CNOT4: variants seen among roughly 807,000 people sequenced by gnomAD.
CNOT4 encodes CCR4-NOT transcription complex subunit 4.
CNOT4 carries 8 observed loss-of-function variants against 73.8 expected under a neutral mutation model. The observed-to-expected ratio is 0.11, with a 90% CI of 0.06 to 0.20. The LOEUF (loss-of-function observed/expected upper bound fraction) is 0.20, where lower values mean the gene tolerates loss of function less well. Among genes scored for constraint, CNOT4 ranks in the 10% least tolerant of loss-of-function variants. CNOT4 has a pLI of 1.00. For synonymous variants in CNOT4, 293 were observed against 321.1 expected (o/e 0.91, Z 0.94); for missense variants, 564 against 883.4 (o/e 0.64, Z 4.58).
intron 1 of CNOT4, among the ~76,000 whole-genome samples, chr7:135,450,898 A>C (rs1489295758): frequency 1.3e-5 from 2 of 152,134 alleles, no homozygotes; most frequent in African/African-American, 4.8e-5. Flanking sequence ...CAGAGGTTGC[A>C]GTGAGCCGAG....
rs1457284989 is a variant in CNOT4 at position 135,434,273 on chromosome 7, G to A, written c.174+3885C>T. On this transcript the variant is annotated intron_variant, in intron 2 of 11. Transcript: ENST00000541284. ...AGAGACCAAAGACTTGCTTGACTCC[G>A]ACCGACACAGGCAACTTCACAAATA... is the stretch of plus-strand genomic sequence containing the variant. 3.9e-5 allele frequency among the ~76,000 whole-genome samples: 6 copies of A among 152,142 alleles called. No homozygotes were observed. The East Asian group carries it at 9.6e-4, about 24-fold the overall frequency.
At chr7:135,479,198 A>AT (rs61487024) in intron 1 of CNOT4, among the ~76,000 whole-genome samples, 4,684 of 89,878 alleles carry the variant, frequency 0.052, 782 homozygotes, top group Non-Finnish European at 0.065. Flanking sequence ...TTAGAACCAA[A>AT]TTTTTTTTTT....
chr7:135,389,525 C>T (rs112901186), intron 10 of CNOT4, among the ~76,000 whole-genome samples: 1 of 142,056 alleles, frequency 7.0e-6, no homozygotes, highest in Non-Finnish European at 1.5e-5. Flanking sequence ...TGAATGAGAT[C>T]GGTTCTCCTG....
intron 1 of CNOT4, among the ~76,000 whole-genome samples, chr7:135,480,708 A>C (rs1367144924): frequency 6.6e-6 from 1 of 152,200 alleles, no homozygotes; most frequent in Non-Finnish European, 1.5e-5. Context: ...AGGAATACAA[A>C]TGTTCCTTCC....
chr7:135,422,591 C>T (rs919772252), intron 2 of CNOT4, among the ~76,000 whole-genome samples: 2 of 152,056 alleles, frequency 1.3e-5, no homozygotes, highest in East Asian at 1.9e-4. Flanking sequence ...AAAACATCTA[C>T]GGTTTAAAGG....
Position 135,415,408 on chromosome 7 carries a change from C to T in CNOT4, c.373-146G>A, listed in dbSNP as rs1313681189. ...AATAAATGTCACTACCTCCTAATTG[C>T]AGTTTGTGTAGCTAACCTATAGGAA... On this transcript the variant is annotated intron_variant, in intron 3 of 11. Transcript: ENST00000541284. The T allele has an allele frequency of 7.2e-6, 4 of 556,294 alleles. No individual in the cohort carries two copies. In the East Asian group the frequency reaches 9.2e-5, roughly 13 times the overall value. The allele number at this position is 556,294 out of a possible 1,614,324, so 34.5% of individuals were successfully genotyped here.
chr7:135,443,078 C>T (rs1365422733), intron 1 of CNOT4, among the ~76,000 whole-genome samples: 2 of 151,446 alleles, frequency 1.3e-5, no homozygotes, highest in African/African-American at 2.4e-5. Flanking sequence ...TCTGCAGGCA[C>T]GCTGGCTCAC....
In CNOT4 at chr7:135,395,563, G is replaced by C. The variant is rs185233739; in HGVS notation, c.1129+71C>G. 2.7e-5 allele frequency: 40 copies of C among 1,464,178 alleles called. No individual in the cohort carries two copies. The East Asian group carries it at 8.7e-4, about 32-fold the overall frequency. 90.7% of individuals were successfully genotyped at this position (1,464,178 alleles called of 1,614,324 possible). A position where few individuals can be genotyped will look rare whatever the true frequency, so the allele number is the denominator to read the frequency against. ...AAAAGATAAAAATATATCCACTAAT[G>C]AGTTTCATGTTAGTCTGTCAACAAT... On this transcript the variant is annotated intron_variant, in intron 9 of 11. Coordinates refer to ENST00000541284, the MANE Select transcript of CNOT4 (RefSeq NM_001190850.2).
In CNOT4 at chr7:135,362,048, A is replaced by G. The variant is rs968902392; in HGVS notation, c.*837T>C. 1 of 152,764 alleles carries G rather than the reference A, an allele frequency of 6.5e-6. No homozygotes were observed. The highest frequency in any genetic ancestry group is 6.5e-5 in the Admixed American group (1 of 15,288). The allele number at this position is 152,764 out of a possible 1,614,324, so 9.5% of individuals were successfully genotyped here. A position where few individuals can be genotyped will look rare whatever the true frequency, so the allele number is the denominator to read the frequency against. ...AGTGCTATCTCAGAGTGCCCTCGTC[A>G]GGTGAATTTATGGTAAAACAAAAAA... On this transcript the variant is annotated 3_prime_UTR_variant, in exon 12 of 12. Transcript: ENST00000541284.
intron 10 of CNOT4, among the ~76,000 whole-genome samples, chr7:135,370,419 G>A (rs575161588): frequency 1.3e-5 from 2 of 152,268 alleles, no homozygotes; most frequent in South Asian, 4.1e-4. Flanking sequence ...ATGCTTTCTT[G>A]TTGTCTTCAA....
chr7:135,363,710 G>C lies in CNOT4; in HGVS notation c.1840+144C>G. 1.6e-6 allele frequency: 1 copy of C among 634,966 alleles called. No homozygotes were observed. Among genetic ancestry groups the C allele is most frequent in the Non-Finnish European group, 2.7e-6 (1 of 376,504 alleles). The allele number at this position is 634,966 out of a possible 1,614,324, so 39.3% of individuals were successfully genotyped here. A position where few individuals can be genotyped will look rare whatever the true frequency, so the allele number is the denominator to read the frequency against. The stretch of plus-strand genomic sequence containing the variant: ...CCGACAGGTTAAATGAGACTTGCAT[G>C]ACCCCTGAGAACGAAACAAGCCACT... On this transcript the variant is annotated intron_variant, in intron 11 of 11. Coordinates refer to ENST00000541284, the MANE Select transcript of CNOT4 (RefSeq NM_001190850.2). The surrounding 1 kb of genome is among the most constrained non-coding windows in gnomAD (Gnocchi z 4.3).
intron 1 of CNOT4, among the ~76,000 whole-genome samples, chr7:135,485,322 G>A (rs986553827): frequency 3.3e-5 from 5 of 151,978 alleles, no homozygotes; most frequent in South Asian, 4.2e-4. Flanking sequence ...CACCTGCCTC[G>A]GCCTCCCAAA....
At chr7:135,480,073 C>T (rs1393363869) in intron 1 of CNOT4, among the ~76,000 whole-genome samples, 1 of 152,058 alleles carries the variant, frequency 6.6e-6, no homozygotes. Flanking sequence ...AAAAATGCTG[C>T]TTATTTTAGG....
At chr7:135,384,746 GTTC>G (rs1563017020) in intron 10 of CNOT4, 2 of 764,780 alleles carry the variant, frequency 2.6e-6, no homozygotes, top group African/African-American at 3.4e-5. Flanking sequence ...AAATATTTAG[GTTC>G]TTCTTCTCCC....
chr7:135,434,026 A>G (rs1585636828), intron 2 of CNOT4, among the ~76,000 whole-genome samples: 1 of 152,346 alleles, frequency 6.6e-6, no homozygotes, highest in East Asian at 1.9e-4. Flanking sequence ...GGCACGTTTC[A>G]TATTGTAGAC....
At chr7:135,495,683 AAAAAAAAAAAGAAAGAAAGAAAGAAAG>A (rs1803465078) in intron 1 of CNOT4, among the ~76,000 whole-genome samples, 6 of 97,194 alleles carry the variant, frequency 6.2e-5, no homozygotes, top group Admixed American at 1.1e-4. Context: ...AAAAAAAAAA[AAAAAAAAAAAGAAAGAAAGAAAGAAAG>A]AAAGAAAGAA....
At chr7:135,462,167 G>GTC (rs1235959067) in intron 1 of CNOT4, among the ~76,000 whole-genome samples, 2 of 151,924 alleles carry the variant, frequency 1.3e-5, no homozygotes, top group Admixed American at 1.3e-4. Context: ...GATTTGACAG[G>GTC]TGTAGGTTGG....
At chr7:135,388,544 TTA>T in intron 10 of CNOT4, 1 of 1,073,542 alleles carries the variant, frequency 9.3e-7, no homozygotes, top group Non-Finnish European at 1.1e-6. Flanking sequence ...AAGTTTATTT[TTA>T]TGAGTTAGAA....
chr7:135,418,248 T>C (rs1424552), intron 3 of CNOT4, among the ~76,000 whole-genome samples: 33,512 of 152,184 alleles, frequency 0.22, 4,275 homozygotes, highest in East Asian at 0.52. Flanking sequence ...TTGAACACTC[T>C]AGATTCTGCC....
Sources: gnomAD v4.1 joint callset for allele counts (sites outside exome capture counted in the v4.1 genomes callset) on GRCh38, gnomAD v4.1.1 for gene constraint, Gnocchi (gnomAD v3.1) non-coding constraint, MANE v1.5 for transcripts, NCBI Gene and HGNC (gene_info 2026-07-23, HGNC 2026-07-21) for gene names.